The following ATP8B1 variants were observed in gnomAD, a reference collection of about 807,000 sequenced individuals.
ATP8B1 encodes the protein ATPase phospholipid transporting 8B1.
ATP8B1 carries 80 observed loss-of-function variants against 149.9 expected under a neutral mutation model. The ratio of observed to expected loss-of-function variants is 0.53; its 90% CI spans 0.45 to 0.64. ATP8B1 has a LOEUF of 0.64. Among genes scored for constraint, ATP8B1 ranks in the 30% least tolerant of loss-of-function variants. ATP8B1 has a pLI of 0.00. For synonymous variants in ATP8B1, 536 were observed against 562.8 expected, an observed-to-expected ratio of 0.95 and a Z score of 0.67; for missense variants, 1,247 against 1,552.6, an observed-to-expected ratio of 0.80 and a Z score of 3.31.
chr18:57,782,426 C>G (rs8097982), intron 1 of ATP8B1, among the ~76,000 whole-genome samples: 3 of 152,144 alleles, frequency 2.0e-5, no homozygotes, highest in Admixed American at 2.0e-4. Flanking sequence ...TTTTATTATG[C>G]GTGTAGGCAT....
intron 11 of ATP8B1, among the ~76,000 whole-genome samples, chr18:57,693,679 G>T (rs1041040780): frequency 2.5e-4 from 38 of 151,956 alleles, no homozygotes; most frequent in African/African-American, 9.2e-4. Flanking sequence ...TTGTACTCCA[G>T]CCTGGGCAAC....
intron 1 of ATP8B1, among the ~76,000 whole-genome samples, chr18:57,753,270 A>G (rs2080040477): frequency 6.6e-6 from 1 of 152,358 alleles, no homozygotes; most frequent in South Asian, 2.1e-4. Flanking sequence ...TTTCAAAACC[A>G]GGTTGAATGA....
At chr18:57,661,676 T>TACATAC (rs1555688752) in intron 21 of ATP8B1, among the ~76,000 whole-genome samples, 13 of 104,614 alleles carry the variant, frequency 1.2e-4, no homozygotes, top group African/African-American at 4.5e-4. Context: ...TGTATGTATA[T>TACATAC]ACACACACAC....
In ATP8B1 at chr18:57,784,467, G is replaced by A. The variant is rs2080388517; in HGVS notation, c.-26+18531C>T. ...ATAGAGGTTATCAGGTGGAGTCAAGGTCTTCCAGAGGTAGAAGCAACAGGC... is the reference window on the plus strand; with the variant it reads ...ATAGAGGTTATCAGGTGGAGTCAAGATCTTCCAGAGGTAGAAGCAACAGGC... On this transcript the variant is annotated intron_variant, in intron 1 of 27. Transcript: ENST00000648908. This position sits in a 1 kb window ranked among gnomAD's most constrained non-coding sequence, Gnocchi z 4.4. 6.6e-6 allele frequency among the ~76,000 whole-genome samples: 1 copy of A among 152,160 alleles called. No homozygotes were observed.
intron 1 of ATP8B1, among the ~76,000 whole-genome samples, chr18:57,756,449 T>A (rs8087390): frequency 6.6e-6 from 1 of 150,826 alleles, no homozygotes; most frequent in Admixed American, 6.6e-5. Flanking sequence ...TACAGGCGCC[T>A]GCCACCATGC....
chr18:57,670,826 C>T (rs1011444027), intron 17 of ATP8B1, among the ~76,000 whole-genome samples: 2 of 152,072 alleles, frequency 1.3e-5, no homozygotes, highest in African/African-American at 2.4e-5. Context: ...CCTGCCTCAG[C>T]TTCCCAAGTA....
chr18:57,790,584 C>A (rs1208916441), intron 1 of ATP8B1, among the ~76,000 whole-genome samples: 1 of 152,142 alleles, frequency 6.6e-6, no homozygotes, highest in African/African-American at 2.4e-5. Context: ...CTGGACCACT[C>A]TTCCCCTGAC....
intron 20 of ATP8B1, among the ~76,000 whole-genome samples, chr18:57,664,304 C>T (rs1331236448): frequency 2.6e-5 from 4 of 151,220 alleles, no homozygotes; most frequent in South Asian, 2.1e-4. Context: ...GTCAGGAGTT[C>T]GCAGCCAGAC....
At chr18:57,752,343 A>G (rs557883511) in intron 1 of ATP8B1, among the ~76,000 whole-genome samples, 1 of 152,256 alleles carries the variant, frequency 6.6e-6, no homozygotes, top group Non-Finnish European at 1.5e-5. Context: ...GAGGTTAGAC[A>G]GATAGGGGAT....
At chr18:57,761,107 TAAAATATAAA>T (rs2080151771) in intron 1 of ATP8B1, among the ~76,000 whole-genome samples, 1 of 104,328 alleles carries the variant, frequency 9.6e-6, no homozygotes, top group Non-Finnish European at 2.0e-5. Context: ...AAAAATAAAA[TAAAATATAAA>T]ATAAAATAAA....
intron 15 of ATP8B1, among the ~76,000 whole-genome samples, chr18:57,681,887 G>A (rs970838271): frequency 2.3e-3 from 162 of 69,274 alleles, no homozygotes; most frequent in Non-Finnish European, 4.8e-3. Context: ...AAAGCCGAAA[G>A]CAATTTCTTT....
At chr18:57,774,085 T>C (rs1327449817) in intron 1 of ATP8B1, among the ~76,000 whole-genome samples, 2 of 152,156 alleles carry the variant, frequency 1.3e-5, no homozygotes, top group Non-Finnish European at 2.9e-5. Flanking sequence ...CACCCTGCTG[T>C]CTCCCTGGTC....
Position 57,661,262 on chromosome 18 carries a change from C to T in ATP8B1, c.2619G>A (p.Lys873=). Residue 873 remains lysine, a synonymous_variant, in exon 22 of 28, where the codon AAG becomes AAA. Coordinates refer to ENST00000648908, the MANE Select transcript of ATP8B1 (RefSeq NM_001374385.1). The part of the protein sequence containing the change: ...VICCRVTPKQ[K]AMVVDLVKRY... Reference sequence around the variant, plus strand: ...TCTTCACCAGGTCCACCACCATGGCCTTCTGCTTGGGGGTGACGCGGCAGC... The same window carrying T: ...TCTTCACCAGGTCCACCACCATGGCTTTCTGCTTGGGGGTGACGCGGCAGC... 1 of 1,614,032 alleles carries T rather than the reference C, an allele frequency of 6.2e-7. No homozygotes were observed. Among genetic ancestry groups the T allele is most frequent in the Non-Finnish European group, 8.5e-7 (1 of 1,180,008 alleles).
intron 3 of ATP8B1, among the ~76,000 whole-genome samples, 180 bp downstream of exon 3, chr18:57,706,310 G>A (rs1004772278): frequency 7.2e-5 from 11 of 151,992 alleles, no homozygotes; most frequent in Non-Finnish European, 1.2e-4. Flanking sequence ...CAAGTCACCC[G>A]CTACCCACCC....
intron 1 of ATP8B1, among the ~76,000 whole-genome samples, chr18:57,782,012 TA>T (rs1231491139): frequency 6.6e-6 from 1 of 152,164 alleles, no homozygotes; most frequent in Non-Finnish European, 1.5e-5. Flanking sequence ...TAATAATATT[TA>T]AAATACAGTA....
intron 1 of ATP8B1, among the ~76,000 whole-genome samples, chr18:57,790,784 G>T (rs73446941): frequency 6.6e-6 from 1 of 152,112 alleles, no homozygotes; most frequent in East Asian, 1.9e-4. Flanking sequence ...GCAGTGGTGC[G>T]ATCTCCACTC....
intron 6 of ATP8B1, among the ~76,000 whole-genome samples, chr18:57,698,285 C>T (rs1599128677): frequency 6.6e-6 from 1 of 152,098 alleles, no homozygotes; most frequent in East Asian, 1.9e-4. Context: ...CCAGAGTCTT[C>T]GTGGGGCTTC....
rs2080383850 is a variant in ATP8B1 at position 57,784,113 on chromosome 18, T to C, written c.-26+18885A>G. Among the ~76,000 whole-genome samples the C allele has an allele frequency of 6.6e-6, 1 of 152,176 alleles. No individual in the cohort carries two copies. The highest frequency in any genetic ancestry group is 2.4e-5 in the African/African-American group (1 of 41,434). On this transcript the variant is annotated intron_variant, in intron 1 of 27. Transcript: ENST00000648908. The surrounding 1 kb of genome is among the most constrained non-coding windows in gnomAD (Gnocchi z 4.4). Reference sequence around the variant, plus strand: ...CAAAAGGCAAAAGATAAGGAGCCTTTCAGAGGAAGAGCTTTTCAAGCGAGA... The same window carrying C: ...CAAAAGGCAAAAGATAAGGAGCCTTCCAGAGGAAGAGCTTTTCAAGCGAGA...
rs76264055 is a variant in ATP8B1, at chr18:57,682,455, C to A, written c.1630+1581G>T. Among the ~76,000 whole-genome samples the A allele has an allele frequency of 6.3e-3, 960 of 152,276 alleles. 3 individuals carry two copies. Among genetic ancestry groups the A allele is most frequent in the Non-Finnish European group, 9.2e-3 (627 of 68,028 alleles). On this transcript the variant is annotated intron_variant, in intron 15 of 27. Transcript: ENST00000648908. ...CCACTGGGGAAAGATAGAATAGGGA[C>A]CACAGGATGAATTTACATTTGCCTA...
Sources: gnomAD v4.1 joint callset for allele counts (sites outside exome capture counted in the v4.1 genomes callset) on GRCh38, gnomAD v4.1.1 for gene constraint, Gnocchi (gnomAD v3.1) non-coding constraint, MANE v1.5 for transcripts, NCBI Gene and HGNC (gene_info 2026-07-23, HGNC 2026-07-21) for gene names.